The following SGCZ variants were observed in gnomAD, a reference collection of about 807,000 sequenced individuals.
SGCZ encodes the protein zeta-sarcoglycan.
In SGCZ, 40 loss-of-function variants were observed where a neutral mutation model predicts 41.3. The ratio of observed to expected loss-of-function variants is 0.97; its 90% CI spans 0.75 to 1.26. SGCZ has a LOEUF of 1.26. Among genes scored for constraint, SGCZ ranks in the 50% most tolerant of loss-of-function variants. The probability of loss-of-function intolerance (pLI) is 0.00; values close to 1 mark genes in which losing one functional copy is unlikely to be tolerated. For missense variants in SGCZ, 552 were observed against 369.8 expected, an observed-to-expected ratio of 1.49 and a Z score of -4.04; for synonymous variants, 206 against 137.5, an observed-to-expected ratio of 1.50 and a Z score of -3.49.
intron 1 of SGCZ, among the ~76,000 whole-genome samples, chr8:14,847,294 G>C (rs144748981): frequency 1.3e-5 from 2 of 152,124 alleles, no homozygotes; most frequent in African/African-American, 4.8e-5. Context: ...CTGATATGAA[G>C]ACTTGATAAA....
intron 1 of SGCZ, among the ~76,000 whole-genome samples, chr8:14,731,082 A>G (rs952235216): frequency 6.6e-6 from 1 of 151,878 alleles, no homozygotes; most frequent in Non-Finnish European, 1.5e-5. Context: ...ACACACATGC[A>G]CAAGTATGTT....
intron 1 of SGCZ, among the ~76,000 whole-genome samples, chr8:14,889,916 T>A (rs926008520): frequency 1.3e-5 from 2 of 151,938 alleles, no homozygotes; most frequent in African/African-American, 4.8e-5. Flanking sequence ...GAGCTAGAAA[T>A]GATTAAGCCT....
intron 1 of SGCZ, among the ~76,000 whole-genome samples, chr8:14,697,696 C>T (rs1233582713): frequency 1.3e-5 from 2 of 151,872 alleles, no homozygotes; most frequent in Non-Finnish European, 2.9e-5. Flanking sequence ...CAATTATCTT[C>T]CTCTTCTCAA....
At chr8:14,310,340 AT>A (rs905559151) in intron 3 of SGCZ, among the ~76,000 whole-genome samples, 1 of 152,096 alleles carries the variant, frequency 6.6e-6, no homozygotes, top group Non-Finnish European at 1.5e-5. Flanking sequence ...GTCTTTGGTA[AT>A]TTTTTTGTTT....
intron 1 of SGCZ, among the ~76,000 whole-genome samples, chr8:14,724,022 C>T (rs1259367743): frequency 6.6e-6 from 1 of 152,064 alleles, no homozygotes; most frequent in African/African-American, 2.4e-5. Flanking sequence ...ATTTTATTCA[C>T]ACTCTTGGTG....
At chr8:15,117,358 C>CAAA (rs111672452) in intron 1 of SGCZ, among the ~76,000 whole-genome samples, 1 of 137,044 alleles carries the variant, frequency 7.3e-6, no homozygotes, top group African/African-American at 2.7e-5. Flanking sequence ...GACTCCATCT[C>CAAA]AAAAAAAAAA....
intron 3 of SGCZ, among the ~76,000 whole-genome samples, chr8:14,280,233 T>C (rs1302860355): frequency 1.3e-5 from 2 of 151,896 alleles, no homozygotes. Context: ...TATATATAAA[T>C]AGTCTGTGTA....
chr8:15,038,236 T>C (rs978062594), intron 1 of SGCZ, among the ~76,000 whole-genome samples: 3 of 152,124 alleles, frequency 2.0e-5, no homozygotes, highest in Admixed American at 6.5e-5. Flanking sequence ...CAAAACAGCA[T>C]GGTAGTGGCA....
intron 1 of SGCZ, among the ~76,000 whole-genome samples, chr8:14,816,739 G>A (rs934752472): frequency 1.1e-4 from 16 of 152,126 alleles, no homozygotes; most frequent in African/African-American, 3.6e-4. Context: ...AGAATTGTAA[G>A]CTCCATATAT....
chr8:15,001,597 T>C (rs2130911224), intron 1 of SGCZ, among the ~76,000 whole-genome samples: 1 of 151,758 alleles, frequency 6.6e-6, no homozygotes, highest in South Asian at 2.1e-4. Flanking sequence ...GACATGTTGG[T>C]GGGCACCTGT....
chr8:14,833,822 GAA>G (rs34866168), intron 1 of SGCZ, among the ~76,000 whole-genome samples: 45,022 of 149,502 alleles, frequency 0.3, 8,591 homozygotes, highest in African/African-American at 0.51. Flanking sequence ...GATGATCCAG[GAA>G]AAAAAAAAAT....
At chr8:14,205,319 T>A (rs1487180540) in intron 4 of SGCZ, among the ~76,000 whole-genome samples, 1 of 152,186 alleles carries the variant, frequency 6.6e-6, no homozygotes, top group East Asian at 1.9e-4. Context: ...AGGGTTTTTG[T>A]GTATTGTCAA....
At chr8:14,286,345 A>T (rs890539) in intron 3 of SGCZ, among the ~76,000 whole-genome samples, 1 of 152,068 alleles carries the variant, frequency 6.6e-6, no homozygotes, top group Admixed American at 6.6e-5. Flanking sequence ...AGTTACAAAC[A>T]AACTCACCAT....
chr8:14,992,551 G>T (rs770104103), intron 1 of SGCZ, among the ~76,000 whole-genome samples: 7 of 145,202 alleles, frequency 4.8e-5, no homozygotes, highest in African/African-American at 7.8e-5. Context: ...ACTAATGTTG[G>T]CATTGATATT....
intron 3 of SGCZ, among the ~76,000 whole-genome samples, chr8:14,259,884 C>T (rs1384125102): frequency 2.0e-5 from 3 of 152,004 alleles, no homozygotes; most frequent in Admixed American, 1.3e-4. Flanking sequence ...GGCACTGAAT[C>T]TGTAAATTAC....
rs181845044 is a variant in SGCZ at position 15,024,555 on chromosome 8, G to C, written c.39+213030C>G. 1.8e-4 allele frequency among the ~76,000 whole-genome samples: 27 copies of C among 152,264 alleles called. 1 individual carries two copies. Among genetic ancestry groups the C allele is most frequent in the Admixed American group, 1.8e-3 (27 of 15,292 alleles). ...AACACACTATTTATATGGAATGTTA[G>C]AAGGTGATCAATGCTGCAGATAAAA... On this transcript the variant is annotated intron_variant, in intron 1 of 7. Transcript: ENST00000382080.
chr8:15,131,541 T>A (rs1374886817), intron 1 of SGCZ, among the ~76,000 whole-genome samples: 1 of 152,240 alleles, frequency 6.6e-6, no homozygotes, highest in Non-Finnish European at 1.5e-5. Flanking sequence ...ATGCGTACAA[T>A]CAAATGATAT....
At chr8:14,394,440 T>G (rs1804908290) in intron 2 of SGCZ, among the ~76,000 whole-genome samples, 1 of 152,120 alleles carries the variant, frequency 6.6e-6, no homozygotes, top group African/African-American at 2.4e-5. Context: ...TGAGCCACCG[T>G]GCCCAGCCCA....
intron 2 of SGCZ, among the ~76,000 whole-genome samples, chr8:14,527,494 A>G (rs1425841344): frequency 1.3e-5 from 2 of 152,034 alleles, no homozygotes; most frequent in Non-Finnish European, 2.9e-5. Flanking sequence ...TTGTAGTGAC[A>G]AGTTCTCACT....
Sources: allele counts gnomAD v4.1 joint callset (sites outside exome capture counted in the v4.1 genomes callset), GRCh38; gene constraint gnomAD v4.1.1; transcripts MANE v1.5; gene names NCBI Gene and HGNC (gene_info 2026-07-23, HGNC 2026-07-21).